Variants in ZNF544 observed in about 807,000 individuals in gnomAD.
ZNF544 encodes zinc finger protein AF020591.
ZNF544 carries 10 observed loss-of-function variants against 13.5 expected under a neutral mutation model. The observed-to-expected ratio is 0.74, with a 90% confidence interval of 0.46 to 1.25. ZNF544 has a LOEUF of 1.25. ZNF544 is among the 50% of genes most tolerant of loss of function. ZNF544 has a pLI of 0.00. For missense variants in ZNF544, 896 were observed against 845.6 expected (o/e 1.06, Z -0.74); for synonymous variants, 323 against 300.5 (o/e 1.07, Z -0.77).
chr19:58,268,780 C>T (rs1475369173), downstream of ZNF544, among the ~76,000 whole-genome samples: 1 of 152,222 alleles, frequency 6.6e-6, no homozygotes, highest in Non-Finnish European at 1.5e-5. Context: ...GGAACGTGAC[C>T]ATGAGCATGT....
intron 6 of ZNF544, chr19:58,258,942 G>GT (rs1013625049): frequency 6.6e-6 from 1 of 152,136 alleles, no homozygotes; most frequent in African/African-American, 2.4e-5. Context: ...TAGAGGCTCC[G>GT]TATCTTCAAC....
downstream of ZNF544, among the ~76,000 whole-genome samples, chr19:58,267,407 A>G (rs528705377): frequency 7.2e-5 from 11 of 151,852 alleles, no homozygotes; most frequent in East Asian, 1.8e-3. Context: ...GTGAGTCAAG[A>G]AAGGGTTACA....
chr19:58,259,906 C>T (rs1391249469), intron 6 of ZNF544: 1 of 152,116 alleles, frequency 6.6e-6, no homozygotes, highest in African/African-American at 2.4e-5. Context: ...GAGCCAGGCT[C>T]TGTCTCAAAA....
intron 4 of ZNF544, among the ~76,000 whole-genome samples, chr19:58,244,261 C>T (rs754380754): frequency 8.6e-5 from 13 of 151,960 alleles, no homozygotes; most frequent in Admixed American, 1.3e-4. Flanking sequence ...GCACTAGACC[C>T]AGCGCAAGTC....
chr19:58,258,173 A>C (rs575246897), intron 6 of ZNF544: 1 of 152,354 alleles, frequency 6.6e-6, no homozygotes, highest in East Asian at 1.9e-4. Flanking sequence ...CAAGATATTT[A>C]ATGTCCTTCA....
intron 3 of ZNF544, among the ~76,000 whole-genome samples, chr19:58,240,722 A>T (rs1032867941): frequency 6.6e-6 from 1 of 151,650 alleles, no homozygotes; most frequent in African/African-American, 2.4e-5. Context: ...AGATCGTGCT[A>T]CCACACTCCA....
chr19:58,258,494 A>AGGGTG (rs2048127999), intron 6 of ZNF544: 3 of 84,708 alleles, frequency 3.5e-5, no homozygotes, highest in African/African-American at 1.9e-4. Flanking sequence ...GTGCGAGGGC[A>AGGGTG]CCAGGTGTGA....
chr19:58,245,748 T>A (rs930542549), intron 4 of ZNF544: 1 of 166,562 alleles, frequency 6.0e-6, no homozygotes, highest in Admixed American at 5.4e-5. Context: ...CGATTTAGAG[T>A]GTCTTTCTTA....
intron 6 of ZNF544, chr19:58,257,737 G>T (rs957416690): frequency 2.6e-5 from 4 of 152,348 alleles, no homozygotes; most frequent in Middle Eastern, 3.4e-3. Flanking sequence ...GGCAACCACT[G>T]ATCTTTATCC....
chr19:58,257,134 T>G (rs260459), intron 6 of ZNF544: 77,257 of 151,900 alleles, frequency 0.51, 19,853 homozygotes, highest in Middle Eastern at 0.62. Context: ...TGTTAGCCAG[T>G]ATGGTCTCGA....
chr19:58,262,219 A>ATCAGCGAAT lies in ZNF544; in HGVS notation c.1617_1625dup (p.Gln539_Ile541dup). ...TCCCAGAGTTCCAAACTTATTACGC[A>ATCAGCGAAT]TCAGCGAATTCACACTGGAGAAAAA... On this transcript the variant is annotated inframe_insertion, in exon 7 of 7. Coordinates refer to ENST00000687789, the MANE Select transcript of ZNF544 (RefSeq NM_014480.4). 1 of 1,614,032 alleles carries ATCAGCGAAT rather than the reference A, an allele frequency of 6.2e-7. No homozygotes were observed. The highest frequency in any genetic ancestry group is 1.1e-5 in the South Asian group (1 of 91,078).
chr19:58,269,637 C>T (rs1179911547), intron 5 of ZNF544, among the ~76,000 whole-genome samples: 1 of 144,844 alleles, frequency 6.9e-6, no homozygotes, highest in Non-Finnish European at 1.5e-5. Flanking sequence ...AAAAAGATGG[C>T]AGGGCTGGCA....
At chr19:58,248,388 A>G (rs1351645080) in intron 6 of ZNF544, among the ~76,000 whole-genome samples, 1 of 144,626 alleles carries the variant, frequency 6.9e-6, no homozygotes, top group East Asian at 2.0e-4. Flanking sequence ...ATGCACCACC[A>G]TGCCTGGCTA....
rs1244795474 is a variant in ZNF544 at position 58,261,207 on chromosome 19, A to G, written c.601A>G (p.Ile201Val). 1 of 1,614,194 alleles carries G rather than the reference A, an allele frequency of 6.2e-7. No homozygotes were observed. Among genetic ancestry groups the G allele is most frequent in the Non-Finnish European group, 8.5e-7 (1 of 1,180,046 alleles). ...VKELKQNSAF[I>V]NHEKNGADGK... ...AGAGTTGAAACAAAATTCAGCTTTC[A>G]TTAATCATGAGAAAAATGGAGCAGA... Residue 201 changes from isoleucine to valine, a missense_variant, in exon 7 of 7, where the codon ATT becomes GTT. Ile to Val is a conservative substitution (Grantham distance 29). Transcript: ENST00000687789.
At chr19:58,246,831 A>C (rs759394617) in intron 6 of ZNF544, 37 bp downstream of exon 6, 1 of 1,602,620 alleles carries the variant, frequency 6.2e-7, no homozygotes, top group South Asian at 1.1e-5. Context: ...CTCAACGTTT[A>C]ACAAGCTTGG....
chr19:58,248,153 G>A (rs1458362720), intron 6 of ZNF544, among the ~76,000 whole-genome samples: 1 of 150,900 alleles, frequency 6.6e-6, no homozygotes, highest in Non-Finnish European at 1.5e-5. Context: ...ACCTCATGAT[G>A]CGCCCCCCTC....
chr19:58,257,977 T>G (rs1028178591), intron 6 of ZNF544: 2 of 152,296 alleles, frequency 1.3e-5, no homozygotes, highest in Non-Finnish European at 2.9e-5. Context: ...TTTCTTCCTC[T>G]GAAGGTGCAC....
chr19:58,261,891 A>G lies in ZNF544; in HGVS notation c.1285A>G (p.Ile429Val), dbSNP rs139999655. The change falls in exon 7 of 7, where the codon ATT becomes GTT. Residue 429 changes from isoleucine to valine, a missense_variant. Physicochemically the swap from Ile to Val is conservative, Grantham distance 29. Coordinates refer to ENST00000687789, the MANE Select transcript of ZNF544 (RefSeq NM_014480.4). ...ATCCAAACTTATTACACATCAGCGA[A>G]TTCACACTGGAGAAAAACCGTATCA... ...QRSKLITHQR[I>V]HTGEKPYQCI... 87 of 1,613,354 alleles carry G rather than the reference A, an allele frequency of 5.4e-5. No homozygotes were observed. In the African/African-American group the frequency reaches 1.1e-3, roughly 20 times the overall value.
chr19:58,243,153 A>G (rs2044274906), intron 3 of ZNF544, among the ~76,000 whole-genome samples: 1 of 152,124 alleles, frequency 6.6e-6, no homozygotes, highest in African/African-American at 2.4e-5. Context: ...AAGGCTCTTC[A>G]TGAACTAGAA....
Sources: allele counts gnomAD v4.1 joint callset (sites outside exome capture counted in the v4.1 genomes callset), GRCh38; gene constraint gnomAD v4.1.1; transcripts MANE v1.5; gene names NCBI Gene and HGNC (gene_info 2026-07-23, HGNC 2026-07-21).